The following PLA2G2F variants were observed in gnomAD, a reference collection of about 807,000 sequenced individuals.
PLA2G2F encodes the protein group IIF secretory phospholipase A2.
Under a neutral mutation model 15.9 loss-of-function variants are expected in PLA2G2F, and 17 were observed. The observed-to-expected ratio is 1.07, with a 90% CI of 0.73 to 1.60. The LOEUF (loss-of-function observed/expected upper bound fraction) is 1.60. Among genes scored for constraint, PLA2G2F ranks in the 40% most tolerant of loss-of-function variants. The pLI is 0.00. For missense variants in PLA2G2F, 299 were observed against 278.2 expected (o/e 1.07, Z -0.53); for synonymous variants, 119 against 106.5 (o/e 1.12, Z -0.72).
Position 20,146,038 on chromosome 1 carries a change from T to C in PLA2G2F, c.424+1349T>C, listed in dbSNP as rs1329533690. The stretch of plus-strand genomic sequence containing the variant: ...GTGCTCTGATGCTCCAGTCCTGGAA[T>C]TGGCATCCCAATTCTCCTGTCCCCC... On this transcript the variant is annotated intron_variant, in intron 4 of 4. Coordinates refer to ENST00000375102, the MANE Select transcript of PLA2G2F (RefSeq NM_022819.4). 2.0e-5 allele frequency among the ~76,000 whole-genome samples: 3 copies of C among 152,252 alleles called. 1 individual carries two copies. The highest frequency in any genetic ancestry group is 4.1e-4 in the South Asian group (2 of 4,832).
rs1194715526 is a variant in PLA2G2F, at chr1:20,143,567, C to T, written c.291C>T (p.Gly97=). Residue 97 remains glycine, a synonymous_variant, in exon 3 of 5, where the codon GGC becomes GGT. Transcript: ENST00000375102. ...YGCYCGLGGR[G]QPKDEVDWCC... is the part of the protein sequence containing the mutation. ...GCTACTGTGGGCTGGGGGGCCGTGG[C>T]CAGCCCAAGGATGAGGTGGACTGGT... 6.2e-7 allele frequency: 1 copy of T among 1,613,952 alleles called. No homozygotes were observed. Among genetic ancestry groups the T allele is most frequent in the Non-Finnish European group, 8.5e-7 (1 of 1,179,906 alleles).
chr1:20,148,164 G>A (rs2017648354), intron 4 of PLA2G2F, 26 bp from the exon 5 acceptor site: 3 of 1,600,514 alleles, frequency 1.9e-6, no homozygotes. Flanking sequence ...TTCATCCACA[G>A]CCTTTGCCAC....
intron 4 of PLA2G2F, among the ~76,000 whole-genome samples, chr1:20,147,638 T>C (rs1410282758): frequency 1.3e-5 from 2 of 151,946 alleles, no homozygotes; most frequent in African/African-American, 2.4e-5. Context: ...TTAGTAGAGA[T>C]GGGGTTTCAT....
intron 1 of PLA2G2F, 110 bp from the exon 2 acceptor site, chr1:20,140,056 A>C (rs2017428365): frequency 8.7e-7 from 1 of 1,145,358 alleles, no homozygotes. Context: ...TAGGACATCA[A>C]GGGACAGCAT....
chr1:20,143,598 C>T lies in PLA2G2F; in HGVS notation c.314+8C>T, dbSNP rs745807790. On this transcript the variant is annotated splice_region_variant and intron_variant, in intron 3 of 4. Transcript: ENST00000375102. The stretch of plus-strand genomic sequence containing the variant: ...CAAGGATGAGGTGGACTGGTAGGTA[C>T]CAGAGGCCTGGGCTCCTGTCAGGGG... 4.3e-6 allele frequency: 7 copies of T among 1,612,680 alleles called. No homozygotes were observed. Among genetic ancestry groups the T allele is most frequent in the Non-Finnish European group, 5.9e-6 (7 of 1,179,122 alleles).
At chr1:20,141,012 T>C (rs2017455824) in intron 2 of PLA2G2F, 1 of 152,196 alleles carries the variant, frequency 6.6e-6, no homozygotes, top group Non-Finnish European at 1.5e-5. Flanking sequence ...CAGCCTGGCT[T>C]GAGGAAAAGA....
At chr1:20,146,379 C>A (rs988936314) in intron 4 of PLA2G2F, among the ~76,000 whole-genome samples, 1 of 152,204 alleles carries the variant, frequency 6.6e-6, no homozygotes, top group African/African-American at 2.4e-5. Flanking sequence ...CATCCTAGGA[C>A]GCCCAGTGTT....
At chr1:20,147,442 C>T (rs146937829) in intron 4 of PLA2G2F, among the ~76,000 whole-genome samples, 1 of 151,656 alleles carries the variant, frequency 6.6e-6, no homozygotes, top group Non-Finnish European at 1.5e-5. Flanking sequence ...TTACCAATAA[C>T]TCCCTCTTCT....
chr1:20,144,632 C>T lies in PLA2G2F; in HGVS notation c.367C>T (p.His123Tyr), dbSNP rs2017547075. Residue 123 changes from histidine to tyrosine, a missense_variant, in exon 4 of 5, where the codon CAC (histidine) becomes TAC (tyrosine). By Grantham distance (83) the His-to-Tyr change is moderately conservative (BLOSUM62 2). Coordinates refer to ENST00000375102, the MANE Select transcript of PLA2G2F (RefSeq NM_022819.4). ...CYQELFDQGC[H>Y]PYVDHYDHTI... ...CCAGGAACTCTTTGACCAAGGCTGTCACCCCTATGTGGACCACTATGATCA... is the reference window on the plus strand; with the variant it reads ...CCAGGAACTCTTTGACCAAGGCTGTTACCCCTATGTGGACCACTATGATCA... 1 of 1,612,584 alleles carries T rather than the reference C, an allele frequency of 6.2e-7. No individual in the cohort carries two copies. The highest frequency in any genetic ancestry group is 8.5e-7 in the Non-Finnish European group (1 of 1,179,398).
chr1:20,139,492 C>T lies in PLA2G2F; in HGVS notation c.65C>T (p.Ser22Phe), dbSNP rs1253832821. 3 of 1,582,648 alleles carry T rather than the reference C, an allele frequency of 1.9e-6. No homozygotes were observed. In the South Asian group the frequency reaches 3.5e-5, roughly 18 times the overall value. The change falls in exon 1 of 5, where the codon TCT becomes TTT. Residue 22 changes from serine to phenylalanine, a missense_variant. Physicochemically the swap from Ser to Phe is radical, Grantham distance 155. Coordinates refer to ENST00000375102, the MANE Select transcript of PLA2G2F (RefSeq NM_022819.4). ...AAGAAGGTGCTGGATAGATGCTTCT[C>T]TGGGTGGAGGGGCCCACGCTTCGGG... ...FKKKVLDRCFSGWRGPRFGAS... is the reference protein window; with the variant it reads ...FKKKVLDRCFFGWRGPRFGAS...
Position 20,144,654 on chromosome 1 carries a change from A to G in PLA2G2F, c.389A>G (p.Asp130Gly), listed in dbSNP as rs781034574. The part of the protein sequence containing the change: ...QGCHPYVDHY[D>G]HTIENNTEIV... ...TGTCACCCCTATGTGGACCACTATG[A>G]TCACACCATCGAGAACAACACTGAG... Residue 130 changes from aspartate to glycine, a missense_variant, in exon 4 of 5, where the codon GAT becomes GGT. Asp to Gly is a moderately conservative substitution (Grantham distance 94, BLOSUM62 -1). Coordinates refer to ENST00000375102, the MANE Select transcript of PLA2G2F (RefSeq NM_022819.4). The G allele has an allele frequency of 1.2e-6, 2 of 1,610,938 alleles. No individual in the cohort carries two copies. The highest frequency in any genetic ancestry group is 1.7e-6 in the Non-Finnish European group (2 of 1,178,602).
intron 4 of PLA2G2F, 25 bp downstream of exon 4, chr1:20,144,714 G>A: frequency 6.4e-7 from 1 of 1,551,052 alleles, no homozygotes; most frequent in East Asian, 2.3e-5. Flanking sequence ...TGTCACCTGG[G>A]CCCCCAGAGA....
At chr1:20,145,539 C>G (rs2017571725) in intron 4 of PLA2G2F, among the ~76,000 whole-genome samples, 1 of 152,050 alleles carries the variant, frequency 6.6e-6, no homozygotes, top group Non-Finnish European at 1.5e-5. Context: ...CTCGGCCTCC[C>G]AAAGTGCTGG....
intron 4 of PLA2G2F, among the ~76,000 whole-genome samples, chr1:20,147,574 G>A (rs907223132): frequency 5.9e-5 from 9 of 151,730 alleles, no homozygotes; most frequent in African/African-American, 1.5e-4. Flanking sequence ...TCAGTCTCCC[G>A]AGTAGCTGGG....
intron 3 of PLA2G2F, 110 bp downstream of exon 3, chr1:20,143,700 A>T: frequency 7.3e-7 from 1 of 1,362,636 alleles, no homozygotes; most frequent in Non-Finnish European, 1.0e-6. Flanking sequence ...TCCCCAAAGG[A>T]TCCAGCTTCT....
intron 3 of PLA2G2F, 141 bp from the exon 4 acceptor site, chr1:20,144,439 T>C: frequency 1.5e-6 from 1 of 666,704 alleles, no homozygotes; most frequent in Non-Finnish European, 2.7e-6. Context: ...CTGTGTGACC[T>C]CAGACAAGTA....
chr1:20,143,679 G>T (rs992726523), intron 3 of PLA2G2F, 89 bp downstream of exon 3: 38 of 1,480,914 alleles, frequency 2.6e-5, no homozygotes, highest in Non-Finnish European at 3.4e-5. Context: ...CTGAGTGGGG[G>T]AGACCTTCTT....
chr1:20,148,710 G>C lies in PLA2G2F; in HGVS notation c.*309G>C, dbSNP rs2017666856. 5.1e-6 allele frequency: 2 copies of C among 395,604 alleles called. No homozygotes were observed. Among genetic ancestry groups the C allele is most frequent in the African/African-American group, 4.0e-5 (2 of 49,782 alleles). 24.5% of individuals were successfully genotyped at this position (395,604 alleles called of 1,614,324 possible). On this transcript the variant is annotated 3_prime_UTR_variant, in exon 5 of 5. Transcript: ENST00000375102. ...GAGAGGAGGAGGGGCCTCTGAGTGG[G>C]GCCTCTGTTGCTGGCGCCAGTTTAA...
Position 20,148,420 on chromosome 1 carries a change from G to C in PLA2G2F, c.*19G>C. On this transcript the variant is annotated 3_prime_UTR_variant, in exon 5 of 5. Coordinates refer to ENST00000375102, the MANE Select transcript of PLA2G2F (RefSeq NM_022819.4). ...TCCCTAGAGCCTCTGAGGTTTGAGA[G>C]AGAGAGCGGGAGGAGGGTCTGGCTT... 6.3e-7 allele frequency: 1 copy of C among 1,590,108 alleles called. No individual in the cohort carries two copies. Among genetic ancestry groups the C allele is most frequent in the Non-Finnish European group, 8.6e-7 (1 of 1,159,838 alleles).
Sources: allele counts gnomAD v4.1 joint callset (sites outside exome capture counted in the v4.1 genomes callset), GRCh38; gene constraint gnomAD v4.1.1; transcripts MANE v1.5; gene names NCBI Gene and HGNC (gene_info 2026-07-23, HGNC 2026-07-21).